MAPK14: variants seen among roughly 807,000 people sequenced by gnomAD.
MAPK14 encodes the protein CSAID-binding protein.
Under a neutral mutation model 49.6 loss-of-function variants are expected in MAPK14, and 16 were observed. That is an observed-to-expected ratio of 0.32 (90% CI 0.22 to 0.49). The LOEUF (loss-of-function observed/expected upper bound fraction) is 0.49. Among genes scored for constraint, MAPK14 ranks in the 20% least tolerant of loss-of-function variants. The pLI, the probability that MAPK14 is intolerant of heterozygous loss-of-function variation, is 0.99. For synonymous variants in MAPK14, 142 were observed against 158.0 expected, an observed-to-expected ratio of 0.90 and a Z score of 0.76; for missense variants, 200 against 441.2, an observed-to-expected ratio of 0.45 and a Z score of 4.90.
At chr6:36,082,790 C>A (rs970417034) in intron 8 of MAPK14, among the ~76,000 whole-genome samples, 1 of 152,126 alleles carries the variant, frequency 6.6e-6, no homozygotes. Flanking sequence ...AACATCCAAA[C>A]CCTATCACCT....
At chr6:36,058,899 GAGACAGAGTC>G (rs1763689057) in intron 2 of MAPK14, among the ~76,000 whole-genome samples, 1 of 94,554 alleles carries the variant, frequency 1.1e-5, no homozygotes, top group African/African-American at 4.1e-5. Flanking sequence ...TTTTTTTTTT[GAGACAGAGTC>G]TCACTCTGCA....
At position 36,108,597 on chromosome 6, in the gene MAPK14, T is replaced by C; in HGVS notation, c.*150T>C. 1.5e-6 allele frequency: 1 copy of C among 648,028 alleles called. No individual in the cohort carries two copies. The highest frequency in any genetic ancestry group is 2.8e-6 in the Non-Finnish European group (1 of 357,698). 40.1% of individuals were successfully genotyped at this position (648,028 alleles called of 1,614,324 possible). On this transcript the variant is annotated 3_prime_UTR_variant, in exon 12 of 12. Coordinates refer to ENST00000229794, the MANE Select transcript of MAPK14 (RefSeq NM_139012.3). ...GCGTGCGTGTGCGTGCGTGTTAGTG[T>C]GTGTGCATGTGTGTGTCTGTCTTTG...
intron 8 of MAPK14, among the ~76,000 whole-genome samples, chr6:36,079,456 G>A (rs1764659917): frequency 6.6e-6 from 1 of 151,966 alleles, no homozygotes; most frequent in African/African-American, 2.4e-5. Context: ...GAAATGTCCT[G>A]GGCCACACAT....
chr6:36,073,939 T>C (rs1581791622), intron 5 of MAPK14, 110 bp from the exon 6 acceptor site: 1 of 950,798 alleles, frequency 1.1e-6, no homozygotes, highest in Middle Eastern at 2.2e-4. Flanking sequence ...AGATTGTCTT[T>C]TGATAGCTGG....
intron 8 of MAPK14, among the ~76,000 whole-genome samples, chr6:36,083,971 G>A (rs1764872211): frequency 6.6e-6 from 1 of 152,136 alleles, no homozygotes; most frequent in South Asian, 2.1e-4. Flanking sequence ...TGCCCCTCTG[G>A]GACGGAGCTC....
chr6:36,075,825 T>C lies in MAPK14; in HGVS notation c.496-23T>C, dbSNP rs113485302. On this transcript the variant is annotated intron_variant, in intron 6 of 11. Transcript: ENST00000229794. ...CCTGTTTCTAAGTCTTAGCAGTTTG[T>C]CTGTTCCTCTTCTGCCCTTTAGATT... 5.0e-6 allele frequency: 8 copies of C among 1,613,644 alleles called. No homozygotes were observed. The African/African-American group carries it at 6.7e-5, about 13-fold the overall frequency.
chr6:36,053,786 C>A (rs1392995175), intron 2 of MAPK14, among the ~76,000 whole-genome samples: 1 of 152,184 alleles, frequency 6.6e-6, no homozygotes, highest in Non-Finnish European at 1.5e-5. Flanking sequence ...AGTGACTCTT[C>A]ATTAGCGTAC....
chr6:36,042,897 T>TGAGCTCAG (rs148342137), intron 1 of MAPK14, among the ~76,000 whole-genome samples: 3 of 151,878 alleles, frequency 2.0e-5, no homozygotes, highest in Non-Finnish European at 2.9e-5. Flanking sequence ...GTGAATTACT[T>TGAGCTCAG]GAGCTCAGGA....
chr6:36,073,553 G>A, intron 4 of MAPK14, 138 bp from the exon 5 acceptor site: 2 of 666,390 alleles, frequency 3.0e-6, no homozygotes, highest in South Asian at 3.8e-5. Flanking sequence ...ACACAATACT[G>A]ATAGTTACTT....
intron 8 of MAPK14, among the ~76,000 whole-genome samples, chr6:36,083,132 G>A (rs1367953000): frequency 7.2e-5 from 11 of 152,178 alleles, no homozygotes; most frequent in East Asian, 1.9e-4. Flanking sequence ...ATCCTGCACC[G>A]GCAACTGAGG....
intron 2 of MAPK14, among the ~76,000 whole-genome samples, chr6:36,055,501 C>T (rs1279251385): frequency 2.0e-5 from 3 of 152,022 alleles, no homozygotes; most frequent in African/African-American, 7.3e-5. Context: ...ATATTTGCTG[C>T]TTATTTGTAT....
At chr6:36,085,062 G>T (rs1318892176) in intron 8 of MAPK14, among the ~76,000 whole-genome samples, 1 of 152,104 alleles carries the variant, frequency 6.6e-6, no homozygotes, top group Non-Finnish European at 1.5e-5. Context: ...TTCATATCTG[G>T]CCAAACTAAG....
Position 36,028,091 on chromosome 6 carries a change from G to T in MAPK14, c.-67G>T. The T allele has an allele frequency of 9.3e-7, 1 of 1,079,898 alleles. No homozygotes were observed. The highest frequency in any genetic ancestry group is 1.4e-6 in the Non-Finnish European group (1 of 712,092). 66.9% of individuals were successfully genotyped at this position (1,079,898 alleles called of 1,614,324 possible). ...GGCTGGGCGGGCAGCAAGGGCCGGG[G>T]AGAGGGTGCGGGTGCAGGCGGGGGC... On this transcript the variant is annotated 5_prime_UTR_variant, in exon 1 of 12. Transcript: ENST00000229794. This position sits in a 1 kb window ranked among gnomAD's most constrained non-coding sequence, Gnocchi z 5.1.
In MAPK14 at chr6:36,028,817, ACT is replaced by A. The variant is rs1213557086; in HGVS notation, c.116+547_116+548del. Reference sequence around the variant, plus strand: ...TTTTTTTTTTTTTTTTTTTTTCAAAACTCTGTCGAAATCCCATCTTGAAAAGC... The same window carrying A: ...TTTTTTTTTTTTTTTTTTTTTCAAAACTGTCGAAATCCCATCTTGAAAAGC... On this transcript the variant is annotated intron_variant, in intron 1 of 11. Transcript: ENST00000229794. This position sits in a 1 kb window ranked among gnomAD's most constrained non-coding sequence, Gnocchi z 5.1. 1.4e-5 allele frequency among the ~76,000 whole-genome samples: 2 copies of A among 139,878 alleles called. No homozygotes were observed. Among genetic ancestry groups the A allele is most frequent in the East Asian group, 2.0e-4 (1 of 5,006 alleles). The allele number at this position is 139,878 out of a possible 152,430, so 91.8% of individuals were successfully genotyped here. A position where few individuals can be genotyped will look rare whatever the true frequency, so the allele number is the denominator to read the frequency against.
At chr6:36,045,963 G>A (rs781520102) in intron 1 of MAPK14, among the ~76,000 whole-genome samples, 29 of 152,028 alleles carry the variant, frequency 1.9e-4, no homozygotes, top group Non-Finnish European at 4.1e-4. Context: ...TGTGAATAAA[G>A]GAAGGTATAC....
chr6:36,106,575 G>A (rs555057232), intron 10 of MAPK14, among the ~76,000 whole-genome samples: 12 of 152,250 alleles, frequency 7.9e-5, no homozygotes, highest in African/African-American at 2.2e-4. Flanking sequence ...GATTATATAG[G>A]AAGATGTCTT....
chr6:36,028,436 C>T lies in MAPK14; in HGVS notation c.116+163C>T, dbSNP rs1357763258. 2.0e-5 allele frequency among the ~76,000 whole-genome samples: 3 copies of T among 152,386 alleles called. No homozygotes were observed. Among genetic ancestry groups the T allele is most frequent in the East Asian group, 1.9e-4 (1 of 5,182 alleles). On this transcript the variant is annotated intron_variant, in intron 1 of 11. Transcript: ENST00000229794. The surrounding 1 kb of genome is among the most constrained non-coding windows in gnomAD (Gnocchi z 5.1). Reference sequence around the variant, plus strand: ...CTGCCCGTTCTGCACCTCCAGCACCCCTCGCCCTGCACTCACGCAGGTATG... The same window carrying T: ...CTGCCCGTTCTGCACCTCCAGCACCTCTCGCCCTGCACTCACGCAGGTATG...
the MAPK14 span, among the ~76,000 whole-genome samples, chr6:36,121,393 G>A: frequency 6.6e-6 from 1 of 152,180 alleles, no homozygotes; most frequent in East Asian, 1.9e-4. Context: ...CTGTCACATG[G>A]GAGCTGTGCT....
At chr6:36,052,592 G>T in intron 1 of MAPK14, 107 bp from the exon 2 acceptor site, 3 of 919,166 alleles carry the variant, frequency 3.3e-6, no homozygotes, top group South Asian at 3.0e-5. Flanking sequence ...GCTTTTTTTT[G>T]GTATTTTGTT....
Sources: gnomAD v4.1 joint callset for allele counts (sites outside exome capture counted in the v4.1 genomes callset) on GRCh38, gnomAD v4.1.1 for gene constraint, Gnocchi (gnomAD v3.1) non-coding constraint, MANE v1.5 for transcripts, NCBI Gene and HGNC (gene_info 2026-07-23, HGNC 2026-07-21) for gene names.